The following B4GALT6 variants were observed in gnomAD, a reference collection of about 807,000 sequenced individuals.
B4GALT6 encodes UDP-Gal:beta-GlcNAc beta-1,4-galactosyltransferase 6.
Under a neutral mutation model 46.3 loss-of-function variants are expected in B4GALT6, and 14 were observed. That is an observed-to-expected ratio of 0.30 (90% CI 0.20 to 0.47). B4GALT6 has a LOEUF of 0.47. B4GALT6 is among the 20% of genes least tolerant of loss of function. B4GALT6 has a pLI of 0.99. For missense variants in B4GALT6, 386 were observed against 480.1 expected (o/e 0.80, Z 1.83); for synonymous variants, 168 against 162.0 (o/e 1.04, Z -0.28).
At chr18:31,703,875 G>A in the B4GALT6 span, among the ~76,000 whole-genome samples, 1 of 152,182 alleles carries the variant, frequency 6.6e-6, no homozygotes, top group Non-Finnish European at 1.5e-5. Context: ...TTTTGCATAT[G>A]TATCAGCAGG....
chr18:31,720,313 T>G, the B4GALT6 span, among the ~76,000 whole-genome samples: 1 of 152,238 alleles, frequency 6.6e-6, no homozygotes, highest in East Asian at 1.9e-4. Flanking sequence ...GAGCAGAGTG[T>G]GCTGTGGATC....
the B4GALT6 span, among the ~76,000 whole-genome samples, chr18:31,697,438 A>C: frequency 7.7e-6 from 1 of 129,616 alleles, no homozygotes; most frequent in Non-Finnish European, 1.6e-5. Context: ...GTGACCAGTG[A>C]TCACAGACAT....
intron 4 of B4GALT6, among the ~76,000 whole-genome samples, chr18:31,640,104 G>C (rs961179923): frequency 3.3e-5 from 5 of 151,994 alleles, no homozygotes; most frequent in Admixed American, 2.6e-4. Flanking sequence ...AAACACAACA[G>C]TGAAAGTATA....
the B4GALT6 span, among the ~76,000 whole-genome samples, chr18:31,690,920 TCTCA>T: frequency 5.9e-5 from 9 of 152,084 alleles, no homozygotes; most frequent in Non-Finnish European, 1.0e-4. Context: ...CACCGCATGT[TCTCA>T]CTCAAAGTGG....
At chr18:31,709,467 C>G in the B4GALT6 span, among the ~76,000 whole-genome samples, 2 of 139,104 alleles carry the variant, frequency 1.4e-5, no homozygotes, top group African/African-American at 5.9e-5. Flanking sequence ...ATGGTATATT[C>G]TCTTGGCACT....
At chr18:31,712,287 A>ATTTTTTTTTTTTTTTTTT in the B4GALT6 span, among the ~76,000 whole-genome samples, 1 of 84,642 alleles carries the variant, frequency 1.2e-5, no homozygotes, top group African/African-American at 5.1e-5. Flanking sequence ...CTGGGACGTT[A>ATTTTTTTTTTTTTTTTTT]TTTTTTTTTT....
the B4GALT6 span, among the ~76,000 whole-genome samples, chr18:31,699,073 C>T: frequency 7.0e-6 from 1 of 143,310 alleles, no homozygotes. Context: ...GAGCAAGACT[C>T]TGTCTCAAAA....
chr18:31,712,519 T>G, the B4GALT6 span, among the ~76,000 whole-genome samples: 5 of 152,064 alleles, frequency 3.3e-5, no homozygotes, highest in Non-Finnish European at 7.4e-5. Context: ...GCCAGGCTGG[T>G]CTCGAACTCC....
chr18:31,654,376 T>C (rs777982138), intron 3 of B4GALT6, among the ~76,000 whole-genome samples: 12 of 152,244 alleles, frequency 7.9e-5, no homozygotes, highest in Admixed American at 6.5e-5. Flanking sequence ...CAAAGAATCT[T>C]ACATAAATGC....
At chr18:31,714,168 T>G in the B4GALT6 span, among the ~76,000 whole-genome samples, 1 of 152,236 alleles carries the variant, frequency 6.6e-6, no homozygotes, top group African/African-American at 2.4e-5. Context: ...ATTCAATTCT[T>G]CAGTTGCACT....
At chr18:31,706,252 G>C in the B4GALT6 span, among the ~76,000 whole-genome samples, 1 of 151,930 alleles carries the variant, frequency 6.6e-6, no homozygotes, top group Non-Finnish European at 1.5e-5. Context: ...ACAGGCAAGA[G>C]GAGTATATAT....
At position 31,679,498 on chromosome 18, in the gene B4GALT6, G is replaced by C. The variant is rs113907704; in HGVS notation, c.115+4814C>G. ...AGAAGGAGGGTAGCAAATCCCATCG[G>C]ATACTTTCAAACTATACTTGGTCTT... On this transcript the variant is annotated intron_variant, in intron 1 of 8. Coordinates refer to ENST00000306851, the MANE Select transcript of B4GALT6 (RefSeq NM_004775.5). 6.4e-4 allele frequency among the ~76,000 whole-genome samples: 97 copies of C among 152,294 alleles called. 1 individual carries two copies. Among genetic ancestry groups the C allele is most frequent in the African/African-American group, 2.2e-3 (91 of 41,554 alleles).
chr18:31,684,998 C>T (rs1443268288), upstream of B4GALT6, among the ~76,000 whole-genome samples: 1 of 146,704 alleles, frequency 6.8e-6, no homozygotes, highest in Non-Finnish European at 1.5e-5. Context: ...GGCGCCGGGG[C>T]CGCAACCAGC....
the B4GALT6 span, chr18:31,724,379 C>A: frequency 9.1e-7 from 1 of 1,099,622 alleles, no homozygotes; most frequent in African/African-American, 1.7e-5. Flanking sequence ...CAGCTGACCT[C>A]TGACTCCCTG....
rs553774697 is a variant in B4GALT6, at chr18:31,659,246, T to C, written c.233-1157A>G. Among the ~76,000 whole-genome samples, 10 of 152,302 alleles carry C rather than the reference T, an allele frequency of 6.6e-5. No individual in the cohort carries two copies. The East Asian group carries it at 1.9e-3, about 29-fold the overall frequency. ...GAGACAATGTAGAAGCTAAACCCTC[T>C]GACCATAGGGAAATGAGAGAATCCT... On this transcript the variant is annotated intron_variant, in intron 2 of 8. Coordinates refer to ENST00000306851, the MANE Select transcript of B4GALT6 (RefSeq NM_004775.5).
intron 7 of B4GALT6, among the ~76,000 whole-genome samples, chr18:31,626,699 G>C (rs369639505): frequency 6.6e-6 from 1 of 152,124 alleles, no homozygotes; most frequent in Admixed American, 6.5e-5. Flanking sequence ...AATGCCTGAT[G>C]ATCTGAGGTG....
chr18:31,684,849 G>C (rs1451378727), upstream of B4GALT6: 4 of 853,622 alleles, frequency 4.7e-6, no homozygotes, highest in African/African-American at 1.8e-5. Flanking sequence ...CAGCACGCCC[G>C]GCTCCGCTGC....
chr18:31,685,569 C>G (rs2074538527), upstream of B4GALT6: 1 of 152,184 alleles, frequency 6.6e-6, no homozygotes. Flanking sequence ...CCAGCAGCCC[C>G]CTCCCCGCGC....
At chr18:31,648,773 T>C (rs2074023362) in intron 3 of B4GALT6, among the ~76,000 whole-genome samples, 1 of 152,242 alleles carries the variant, frequency 6.6e-6, no homozygotes, top group Non-Finnish European at 1.5e-5. Flanking sequence ...ATGAATTACC[T>C]ACGTTTATAT....
Sources: gnomAD v4.1 joint callset for allele counts (sites outside exome capture counted in the v4.1 genomes callset) on GRCh38, gnomAD v4.1.1 for gene constraint, MANE v1.5 for transcripts, NCBI Gene and HGNC (gene_info 2026-07-23, HGNC 2026-07-21) for gene names.